Variants in C4orf51 observed in about 807,000 individuals in gnomAD.
C4orf51 encodes chromosome 4 open reading frame 51.
Under a neutral mutation model 25.2 loss-of-function variants are expected in C4orf51, and 25 were observed. The ratio of observed to expected loss-of-function variants is 0.99; its 90% CI spans 0.72 to 1.39. C4orf51 has a LOEUF of 1.39. C4orf51 is among the 40% of genes most tolerant of loss of function. The pLI, the probability that C4orf51 is intolerant of heterozygous loss-of-function variation, is 0.00. For synonymous variants in C4orf51, 100 were observed against 84.5 expected (o/e 1.18, Z -1.01); for missense variants, 252 against 239.6 (o/e 1.05, Z -0.34).
In C4orf51 at chr4:145,745,320, ATTT is replaced by A. The variant is rs374600935; in HGVS notation, n.168-8872_168-8870del. ...ATCAAATACTAGGTCTTATTCATTC[ATTT>A]TTTTTTTTTTTTTTGGTACCCATTA... On this transcript the variant is annotated intron_variant and non_coding_transcript_variant, in intron 1 of 1. Coordinates refer to the C4orf51 transcript ENST00000508981. 4.0e-3 allele frequency among the ~76,000 whole-genome samples: 542 copies of A among 135,274 alleles called. 1 individual carries two copies. Among genetic ancestry groups the A allele is most frequent in the Middle Eastern group, 0.012 (3 of 254 alleles). The allele number at this position is 135,274 out of a possible 152,430, so 88.7% of individuals were successfully genotyped here.
At chr4:145,703,108 T>A (rs979779312) in intron 2 of C4orf51, among the ~76,000 whole-genome samples, 4 of 151,786 alleles carry the variant, frequency 2.6e-5, no homozygotes, top group Non-Finnish European at 5.9e-5. Flanking sequence ...GACTTGCACA[T>A]ATATGCCCAG....
At chr4:145,699,263 ATG>A (rs1730273946) in intron 2 of C4orf51, among the ~76,000 whole-genome samples, 2 of 125,790 alleles carry the variant, frequency 1.6e-5, no homozygotes, top group Admixed American at 8.8e-5. Context: ...CTTCACACGG[ATG>A]CGCAAGAAAT....
At chr4:145,752,098 T>C (rs1171504018) in intron 1 of C4orf51, among the ~76,000 whole-genome samples, 1 of 152,168 alleles carries the variant, frequency 6.6e-6, no homozygotes, top group Non-Finnish European at 1.5e-5. Context: ...CATGAGCCAA[T>C]GTCTAGAATC....
Position 145,700,018 on chromosome 4 carries a change from AT to A in C4orf51, c.307+3389del, listed in dbSNP as rs1730324292. 2.6e-5 allele frequency among the ~76,000 whole-genome samples: 4 copies of A among 151,500 alleles called. No individual in the cohort carries two copies. The South Asian group carries it at 8.3e-4, about 32-fold the overall frequency. On this transcript the variant is annotated intron_variant, in intron 2 of 5. Coordinates refer to ENST00000438731, the MANE Select transcript of C4orf51 (RefSeq NM_001080531.3). The stretch of plus-strand genomic sequence containing the variant: ...ATGGGGCAAGAACCCCCAATCCCTT[AT>A]TTCTGCACCCCGACCTCTTATCTCT...
chr4:145,756,382 C>T (rs1371312415), downstream of C4orf51, among the ~76,000 whole-genome samples: 2 of 152,132 alleles, frequency 1.3e-5, no homozygotes, highest in African/African-American at 2.4e-5. Context: ...AATCAAAGGC[C>T]TCATGACTGG....
At chr4:145,708,070 G>T (rs1730926449) in intron 2 of C4orf51, among the ~76,000 whole-genome samples, 1 of 152,224 alleles carries the variant, frequency 6.6e-6, no homozygotes, top group South Asian at 2.1e-4. Flanking sequence ...CAGTGCCCTG[G>T]CTTCCTGCAC....
At chr4:145,692,796 T>C (rs1243992570) in intron 1 of C4orf51, among the ~76,000 whole-genome samples, 1 of 152,108 alleles carries the variant, frequency 6.6e-6, no homozygotes, top group African/African-American at 2.4e-5. Context: ...TTGATGACTT[T>C]GTTCATTCCA....
downstream of C4orf51, among the ~76,000 whole-genome samples, chr4:145,771,495 G>A (rs1408894688): frequency 6.6e-6 from 1 of 152,136 alleles, no homozygotes; most frequent in Non-Finnish European, 1.5e-5. Context: ...GCCATTTATT[G>A]CAACATTTAG....
intron 2 of C4orf51, among the ~76,000 whole-genome samples, chr4:145,721,645 C>T (rs913875715): frequency 1.3e-5 from 2 of 152,118 alleles, no homozygotes; most frequent in Non-Finnish European, 2.9e-5. Context: ...TTCCAAATTC[C>T]CTGCAGAGAC....
At chr4:145,750,368 T>C (rs1455311774) in intron 1 of C4orf51, among the ~76,000 whole-genome samples, 3 of 151,748 alleles carry the variant, frequency 2.0e-5, no homozygotes, top group Non-Finnish European at 2.9e-5. Context: ...TTCTCCTTCA[T>C]GTTTGAAGGA....
intron 3 of C4orf51, 121 bp downstream of exon 3, chr4:145,727,090 G>A (rs780056782): frequency 2.4e-5 from 17 of 700,318 alleles, no homozygotes; most frequent in African/African-American, 5.4e-5. Context: ...TTCACCAAAC[G>A]TTTATTCCTG....
the C4orf51 span, among the ~76,000 whole-genome samples, chr4:145,791,228 C>T: frequency 6.6e-6 from 1 of 152,208 alleles, no homozygotes; most frequent in African/African-American, 2.4e-5. Flanking sequence ...TGCTTCCTCA[C>T]AGACAGCCAT....
chr4:145,696,411 A>G (rs868267170), intron 1 of C4orf51, 148 bp from the exon 2 acceptor site: 1 of 675,906 alleles, frequency 1.5e-6, no homozygotes, highest in Middle Eastern at 3.5e-4. Flanking sequence ...ACACGAGTTT[A>G]TCTAAATAAC....
At chr4:145,717,657 G>A (rs1578981132) in intron 2 of C4orf51, among the ~76,000 whole-genome samples, 1 of 152,176 alleles carries the variant, frequency 6.6e-6, no homozygotes, top group Non-Finnish European at 1.5e-5. Context: ...TGCATGGGCT[G>A]TTCTTAAGTG....
At chr4:145,786,064 T>C in the C4orf51 span, among the ~76,000 whole-genome samples, 1,119 of 152,324 alleles carry the variant, frequency 7.3e-3, 8 homozygotes, top group African/African-American at 0.025. Context: ...ATGGTATTAC[T>C]GAAGAAAGTT....
intron 2 of C4orf51, among the ~76,000 whole-genome samples, chr4:145,713,429 G>A (rs115886054): frequency 6.6e-6 from 1 of 152,222 alleles, no homozygotes; most frequent in Non-Finnish European, 1.5e-5. Context: ...TCCATCCCCT[G>A]TGGATGAGTC....
chr4:145,779,614 T>A, the C4orf51 span: 1 of 1,464,034 alleles, frequency 6.8e-7, no homozygotes. Context: ...CTGAAGAATG[T>A]GGCTAGTAAT....
At chr4:145,707,514 C>T (rs1030475168) in intron 2 of C4orf51, among the ~76,000 whole-genome samples, 1 of 152,024 alleles carries the variant, frequency 6.6e-6, no homozygotes, top group African/African-American at 2.4e-5. Context: ...TAGGACGGTC[C>T]AAGATGAAGT....
the C4orf51 span, among the ~76,000 whole-genome samples, chr4:145,778,608 T>C: frequency 7.2e-5 from 11 of 152,072 alleles, no homozygotes; most frequent in African/African-American, 1.9e-4. Flanking sequence ...CGAGACCCTA[T>C]CTTGGGGGAA....
Sources: allele counts gnomAD v4.1 joint callset (sites outside exome capture counted in the v4.1 genomes callset), GRCh38; gene constraint gnomAD v4.1.1; transcripts MANE v1.5; gene names NCBI Gene and HGNC (gene_info 2026-07-23, HGNC 2026-07-21).